Variants in ADAM18 observed in about 807,000 individuals in gnomAD.
The protein encoded by ADAM18 is disintegrin and metalloproteinase domain-containing protein 18.
Under a neutral mutation model 94.4 loss-of-function variants are expected in ADAM18, and 117 were observed. The observed-to-expected ratio is 1.24, with a 90% confidence interval of 1.07 to 1.45. The LOEUF (loss-of-function observed/expected upper bound fraction) is 1.45, where lower values mean the gene tolerates loss of function less well. Ranked by LOEUF, ADAM18 falls within the 40% of genes most tolerant of loss-of-function variation. The pLI is 0.00. For synonymous variants in ADAM18, 327 were observed against 291.6 expected (o/e 1.12, Z -1.24); for missense variants, 936 against 880.0 (o/e 1.06, Z -0.81).
intron 6 of ADAM18, among the ~76,000 whole-genome samples, chr8:39,629,088 T>G (rs2129579036): frequency 6.6e-6 from 1 of 152,116 alleles, no homozygotes; most frequent in Middle Eastern, 3.4e-3. Flanking sequence ...TGTAGAGTTG[T>G]CTGCAGATGA....
intron 6 of ADAM18, among the ~76,000 whole-genome samples, chr8:39,613,733 A>G (rs1025881793): frequency 6.6e-5 from 10 of 152,218 alleles, no homozygotes; most frequent in African/African-American, 2.2e-4. Context: ...AAAGAATCCA[A>G]TTAAACAATG....
rs1278135288 is a variant in ADAM18, at chr8:39,637,230, A to G, written c.589-34A>G. ...CATTTCATTCACATGGATTCAAAAT[A>G]ATACTTTCATGAAAAATAAAATTTC... On this transcript the variant is annotated intron_variant, in intron 7 of 19. Transcript: ENST00000265707. The G allele has an allele frequency of 2.7e-6, 4 of 1,458,250 alleles. No individual in the cohort carries two copies. The East Asian group carries it at 6.8e-5, about 25-fold the overall frequency. 90.3% of individuals were successfully genotyped at this position (1,458,250 alleles called of 1,614,324 possible). A position where few individuals can be genotyped will look rare whatever the true frequency, so the allele number is the denominator to read the frequency against.
intron 17 of ADAM18, among the ~76,000 whole-genome samples, chr8:39,695,655 G>A (rs986213303): frequency 7.3e-5 from 11 of 151,102 alleles, no homozygotes; most frequent in African/African-American, 2.7e-4. Context: ...GACTACTCTA[G>A]ATACCTCATA....
At chr8:39,715,701 AAAC>A (rs1376234837) in intron 18 of ADAM18, among the ~76,000 whole-genome samples, 1 of 152,078 alleles carries the variant, frequency 6.6e-6, no homozygotes, top group Non-Finnish European at 1.5e-5. Flanking sequence ...CTTTATAAAA[AAAC>A]AATTCATTGA....
In ADAM18 at chr8:39,668,142, T is replaced by C. The variant is rs1221279848; in HGVS notation, c.1471T>C (p.Tyr491His). ...RLCKLGTAYCYNGQCQTTDNQ... is the reference protein window; with the variant it reads ...RLCKLGTAYCHNGQCQTTDNQ... ...GTGCAAGTTGGGAACTGCCTATTGCTATAACGGACAATGTCAAACTACTGA... is the reference window on the plus strand; with the variant it reads ...GTGCAAGTTGGGAACTGCCTATTGCCATAACGGACAATGTCAAACTACTGA... Residue 491 changes from tyrosine to histidine, a missense_variant, in exon 14 of 20, where the codon TAT becomes CAT. Physicochemically the swap from Tyr to His is moderately conservative, Grantham distance 83 (BLOSUM62 2). Coordinates refer to ENST00000265707, the MANE Select transcript of ADAM18 (RefSeq NM_014237.3). 3.1e-6 allele frequency: 5 copies of C among 1,613,966 alleles called. No individual in the cohort carries two copies. Among genetic ancestry groups the C allele is most frequent in the Non-Finnish European group, 4.2e-6 (5 of 1,180,006 alleles).
chr8:39,710,018 G>A (rs528556651), intron 18 of ADAM18, among the ~76,000 whole-genome samples: 3 of 152,292 alleles, frequency 2.0e-5, no homozygotes, highest in Admixed American at 1.3e-4. Flanking sequence ...TGCTGGTGTC[G>A]TTAAGGGTAT....
intron 12 of ADAM18, among the ~76,000 whole-genome samples, chr8:39,660,637 T>C (rs2129579984): frequency 6.6e-6 from 1 of 152,234 alleles, no homozygotes; most frequent in African/African-American, 2.4e-5. Flanking sequence ...CAATACAGTA[T>C]AATAGGAGAG....
At chr8:39,667,772 G>T (rs920241708) in intron 13 of ADAM18, among the ~76,000 whole-genome samples, 1 of 152,158 alleles carries the variant, frequency 6.6e-6, no homozygotes, top group Non-Finnish European at 1.5e-5. Context: ...GTGAGCAGCT[G>T]CAAACTCACT....
chr8:39,667,232 T>A (rs149759723), intron 13 of ADAM18, among the ~76,000 whole-genome samples: 91 of 152,050 alleles, frequency 6.0e-4, no homozygotes, highest in African/African-American at 2.1e-3. Context: ...TGAAACCCTG[T>A]CTTTACTAAA....
chr8:39,589,030 A>G (rs866925078), intron 2 of ADAM18, among the ~76,000 whole-genome samples: 2 of 152,204 alleles, frequency 1.3e-5, no homozygotes, highest in African/African-American at 4.8e-5. Flanking sequence ...TGCTAGCCCA[A>G]TAAGGGCATA....
intron 14 of ADAM18, among the ~76,000 whole-genome samples, chr8:39,670,987 C>G (rs1464187442): frequency 4.6e-5 from 7 of 152,232 alleles, no homozygotes; most frequent in African/African-American, 1.7e-4. Context: ...TTAGTCTGTT[C>G]AAGAACTTGT....
rs1818365585 is a variant in ADAM18 at position 39,585,293 on chromosome 8, C to T, written c.73C>T (p.Leu25=). Residue 25 remains leucine (L), a synonymous_variant, in exon 2 of 20, where the codon CTG becomes TTG. Transcript: ENST00000265707. ...QAHEGSEGIF[L]HVTVPRKIKS... ...TACTGCAGGTTCTGAAGGAATATTT[C>T]TGCATGTCACAGTTCCACGGAAGAT... The T allele has an allele frequency of 1.2e-6, 2 of 1,612,562 alleles. No individual in the cohort carries two copies. Among genetic ancestry groups the T allele is most frequent in the African/African-American group, 1.3e-5 (1 of 74,952 alleles).
chr8:39,604,246 G>A (rs1307875010), intron 2 of ADAM18, among the ~76,000 whole-genome samples: 6 of 152,082 alleles, frequency 3.9e-5, no homozygotes, highest in Admixed American at 2.6e-4. Flanking sequence ...AAAAACATAC[G>A]AAGTGCTTCG....
intron 17 of ADAM18, among the ~76,000 whole-genome samples, chr8:39,699,708 T>G (rs1419303646): frequency 6.6e-6 from 1 of 152,168 alleles, no homozygotes; most frequent in Non-Finnish European, 1.5e-5. Flanking sequence ...CCACAAGGTA[T>G]TGAGTCTGAT....
At chr8:39,612,038 A>C (rs1359332191) in intron 6 of ADAM18, among the ~76,000 whole-genome samples, 1 of 152,178 alleles carries the variant, frequency 6.6e-6, no homozygotes, top group African/African-American at 2.4e-5. Context: ...ACAAATAAGA[A>C]TATGGTAATA....
intron 17 of ADAM18, among the ~76,000 whole-genome samples, chr8:39,696,442 A>G (rs190376041): frequency 4.0e-5 from 6 of 151,500 alleles, no homozygotes; most frequent in African/African-American, 1.4e-4. Context: ...TAAAGAAATC[A>G]TCAAATCTAA....
intron 6 of ADAM18, among the ~76,000 whole-genome samples, chr8:39,619,439 G>T (rs1819542080): frequency 2.6e-5 from 4 of 152,032 alleles, no homozygotes; most frequent in Admixed American, 2.6e-4. Context: ...TCTTAACAAA[G>T]TTTTTAAAAA....
At chr8:39,720,143 T>G (rs1822707153) in intron 18 of ADAM18, among the ~76,000 whole-genome samples, 1 of 151,496 alleles carries the variant, frequency 6.6e-6, no homozygotes, top group Non-Finnish European at 1.5e-5. Flanking sequence ...AATAAACTGT[T>G]GTTATATACA....
chr8:39,619,745 A>G (rs2129578765), intron 6 of ADAM18, among the ~76,000 whole-genome samples: 1 of 152,292 alleles, frequency 6.6e-6, no homozygotes, highest in Admixed American at 6.5e-5. Context: ...AAATAGACAC[A>G]GTAAATGGAA....
Sources: gnomAD v4.1 joint callset for allele counts (sites outside exome capture counted in the v4.1 genomes callset) on GRCh38, gnomAD v4.1.1 for gene constraint, MANE v1.5 for transcripts, NCBI Gene and HGNC (gene_info 2026-07-23, HGNC 2026-07-21) for gene names.